The following DERA variants were observed in gnomAD, a reference collection of about 807,000 sequenced individuals.
DERA encodes 2-deoxy-D-ribose 5-phosphate aldolase.
Under a neutral mutation model 41.1 loss-of-function variants are expected in DERA, and 15 were observed. That is an observed-to-expected ratio of 0.37 (90% CI 0.24 to 0.56). The LOEUF (loss-of-function observed/expected upper bound fraction) is 0.56. DERA is among the 20% of genes least tolerant of loss of function. The pLI is 0.81. For missense variants in DERA, 396 were observed against 403.4 expected (o/e 0.98, Z 0.16); for synonymous variants, 139 against 137.4 (o/e 1.01, Z -0.08).
At position 15,977,120 on chromosome 12, in the gene DERA, T is replaced by G. The variant is rs138014935; in HGVS notation, c.509-5188T>G. 2.6e-3 allele frequency among the ~76,000 whole-genome samples: 396 copies of G among 152,304 alleles called. 4 individuals carry two copies. Among genetic ancestry groups the G allele is most frequent in the African/African-American group, 9.1e-3 (379 of 41,556 alleles). The stretch of plus-strand genomic sequence containing the variant: ...TTGGAACTTTTCATTTTATGCAGCT[T>G]TTTTCCCCTAGAAGAATGAAAACCA... On this transcript the variant is annotated intron_variant, in intron 5 of 8. Coordinates refer to ENST00000428559, the MANE Select transcript of DERA (RefSeq NM_015954.4).
At chr12:15,939,049 C>G (rs985660826) in intron 1 of DERA, among the ~76,000 whole-genome samples, 1 of 152,156 alleles carries the variant, frequency 6.6e-6, no homozygotes, top group African/African-American at 2.4e-5. Context: ...AGAAGTGTTG[C>G]TCTACAGCTG....
rs1349674243 is a variant in DERA at position 15,956,925 on chromosome 12, G to A, written c.32-11G>A. On this transcript the variant is annotated splice_polypyrimidine_tract_variant and intron_variant, in intron 1 of 8. Coordinates refer to ENST00000428559, the MANE Select transcript of DERA (RefSeq NM_015954.4). ...TTTAGGTTTCAGAAAGTGTTTTTCT[G>A]TCTGTTTTAGACCTTAGCTGGATCT... 2 of 1,606,834 alleles carry A rather than the reference G, an allele frequency of 1.2e-6. No homozygotes were observed. The highest frequency in any genetic ancestry group is 3.3e-5 in the Admixed American group (2 of 60,000).
At chr12:15,949,384 A>G (rs941794083) in intron 1 of DERA, among the ~76,000 whole-genome samples, 1 of 152,064 alleles carries the variant, frequency 6.6e-6, no homozygotes, top group Non-Finnish European at 1.5e-5. Context: ...TTACCTATTC[A>G]GGCCTCAGCA....
rs1948926001 is a variant in DERA at position 16,008,274 on chromosome 12, GC to G, written c.638-24267del. Among the ~76,000 whole-genome samples, 1 of 152,188 alleles carries G rather than the reference GC, an allele frequency of 6.6e-6. No homozygotes were observed. The highest frequency in any genetic ancestry group is 6.5e-5 in the Admixed American group (1 of 15,280). ...CAAACAGGAATCCTACTACTCCGTG[GC>G]TTCTCACTTTTAGCTTTTCCTAATA... On this transcript the variant is annotated intron_variant, in intron 6 of 8. Transcript: ENST00000428559. The surrounding 1 kb of genome is among the most constrained non-coding windows in gnomAD (Gnocchi z 4.8).
At position 16,001,978 on chromosome 12, in the gene DERA, A is replaced by T. The variant is rs1948877997; in HGVS notation, c.637+19542A>T. 6.6e-6 allele frequency among the ~76,000 whole-genome samples: 1 copy of T among 152,146 alleles called. No individual in the cohort carries two copies. ...CCAGGCACTTTGTAACAGCAAGGTT[A>T]TTCTTTTTTTTTATTATTATTATGC... On this transcript the variant is annotated intron_variant, in intron 6 of 8. Coordinates refer to ENST00000428559, the MANE Select transcript of DERA (RefSeq NM_015954.4). This position sits in a 1 kb window ranked among gnomAD's most constrained non-coding sequence, Gnocchi z 4.1.
chr12:15,941,706 C>T lies in DERA; in HGVS notation c.32-15230C>T, dbSNP rs936786111. The stretch of plus-strand genomic sequence containing the variant: ...CAAGTTGCTGCAAAAGACATTATTT[C>T]GTTTCCTTTTATGGCTCAGTACTCC... On this transcript the variant is annotated intron_variant, in intron 1 of 8. Coordinates refer to ENST00000428559, the MANE Select transcript of DERA (RefSeq NM_015954.4). The surrounding 1 kb of genome is among the most constrained non-coding windows in gnomAD (Gnocchi z 4.5). 6.6e-6 allele frequency among the ~76,000 whole-genome samples: 1 copy of T among 152,204 alleles called. No individual in the cohort carries two copies. Among genetic ancestry groups the T allele is most frequent in the African/African-American group, 2.4e-5 (1 of 41,444 alleles).
intron 6 of DERA, among the ~76,000 whole-genome samples, chr12:16,028,853 TAAG>T (rs1353963989): frequency 6.6e-6 from 1 of 152,066 alleles, no homozygotes; most frequent in East Asian, 1.9e-4. Flanking sequence ...CAAAATAAAA[TAAG>T]AAGAATCTAA....
intron 4 of DERA, among the ~76,000 whole-genome samples, chr12:15,960,938 G>T (rs1330228394): frequency 6.6e-6 from 1 of 152,218 alleles, no homozygotes; most frequent in Non-Finnish European, 1.5e-5. Context: ...GGGCAAAGGG[G>T]GAGATACAGG....
At position 15,924,215 on chromosome 12, in the gene DERA, C is replaced by A. The variant is rs1948265940; in HGVS notation, c.31+12801C>A. ...TGCTGCAGTGGGAGGATCGCTTGAG[C>A]CCAGGAGTTTGAGATTAGCCTGGGC... On this transcript the variant is annotated intron_variant, in intron 1 of 8. Coordinates refer to ENST00000428559, the MANE Select transcript of DERA (RefSeq NM_015954.4). The surrounding 1 kb of genome is among the most constrained non-coding windows in gnomAD (Gnocchi z 5.0). Among the ~76,000 whole-genome samples the A allele has an allele frequency of 4.6e-5, 7 of 152,086 alleles. No homozygotes were observed. The South Asian group carries it at 1.4e-3, about 32-fold the overall frequency.
chr12:15,917,317 T>A (rs1241508394), intron 1 of DERA, among the ~76,000 whole-genome samples: 5 of 152,232 alleles, frequency 3.3e-5, no homozygotes, highest in African/African-American at 1.2e-4. Context: ...AATTTTTAGA[T>A]TTCTGCAGGG....
At chr12:15,948,517 T>A (rs949019005) in intron 1 of DERA, among the ~76,000 whole-genome samples, 1 of 152,244 alleles carries the variant, frequency 6.6e-6, no homozygotes, top group African/African-American at 2.4e-5. Context: ...GTATTCATCA[T>A]GTAGCTCTCG....
In DERA at chr12:15,936,090, C is replaced by T. The variant is rs944344831; in HGVS notation, c.32-20846C>T. 3.5e-4 allele frequency among the ~76,000 whole-genome samples: 54 copies of T among 152,290 alleles called. No homozygotes were observed. Among genetic ancestry groups the T allele is most frequent in the African/African-American group, 1.2e-3 (50 of 41,550 alleles). ...GTGATCCAAGTAGGAAGGCAAAAGC[C>T]ACCATGTGTTTTCTTACCAAATATT... On this transcript the variant is annotated intron_variant, in intron 1 of 8. Coordinates refer to ENST00000428559, the MANE Select transcript of DERA (RefSeq NM_015954.4). The surrounding 1 kb of genome is among the most constrained non-coding windows in gnomAD (Gnocchi z 4.6).
intron 6 of DERA, among the ~76,000 whole-genome samples, chr12:16,023,473 CTTTT>C (rs58250786): frequency 2.7e-5 from 3 of 111,912 alleles, no homozygotes; most frequent in African/African-American, 3.8e-5. Flanking sequence ...AACTCAAAGT[CTTTT>C]TTTTTTTTTT....
chr12:15,930,764 A>AT (rs1460670497), intron 1 of DERA, among the ~76,000 whole-genome samples: 9 of 152,292 alleles, frequency 5.9e-5, no homozygotes, highest in African/African-American at 2.2e-4. Flanking sequence ...AACACCCCTC[A>AT]TAAGATATGC....
rs1042148732 is a variant in DERA at position 15,911,431 on chromosome 12, G to A, written c.31+17G>A. ...CCGAGCTCGGTAAGGGGCCCGCGGG[G>A]CTCCCCATCCCCTCTCCCTCGCGTT... On this transcript the variant is annotated intron_variant, in intron 1 of 8. Coordinates refer to ENST00000428559, the MANE Select transcript of DERA (RefSeq NM_015954.4). The surrounding 1 kb of genome is among the most constrained non-coding windows in gnomAD (Gnocchi z 4.5). The A allele has an allele frequency of 3.6e-6, 5 of 1,407,110 alleles. No homozygotes were observed. The highest frequency in any genetic ancestry group is 6.6e-5 in the Admixed American group (2 of 30,386). The allele number at this position is 1,407,110 out of a possible 1,614,324, so 87.2% of individuals were successfully genotyped here.
rs532807001 is a variant in DERA at position 15,998,050 on chromosome 12, A to G, written c.637+15614A>G. ...GAAATTTGCCCGAGGACAAATAACT[A>G]AAGTCAAAACACAGAGTCTAGAACA... On this transcript the variant is annotated intron_variant, in intron 6 of 8. Coordinates refer to ENST00000428559, the MANE Select transcript of DERA (RefSeq NM_015954.4). The surrounding 1 kb of genome is among the most constrained non-coding windows in gnomAD (Gnocchi z 4.8). Among the ~76,000 whole-genome samples the G allele has an allele frequency of 1.9e-4, 29 of 152,346 alleles. No individual in the cohort carries two copies. Among genetic ancestry groups the G allele is most frequent in the African/African-American group, 7.0e-4 (29 of 41,592 alleles).
Position 15,941,652 on chromosome 12 carries a change from C to A in DERA, c.32-15284C>A, listed in dbSNP as rs1224856996. Among the ~76,000 whole-genome samples the A allele has an allele frequency of 2.6e-5, 4 of 152,188 alleles. No individual in the cohort carries two copies. Among genetic ancestry groups the A allele is most frequent in the Non-Finnish European group, 4.4e-5 (3 of 68,030 alleles). On this transcript the variant is annotated intron_variant, in intron 1 of 8. Transcript: ENST00000428559. The surrounding 1 kb of genome is among the most constrained non-coding windows in gnomAD (Gnocchi z 4.5). ...TTGGTTTTCCATTCCTGAGTTACTT[C>A]ACTTAGAACTGTGGCCTCCAGCTCC...
intron 5 of DERA, among the ~76,000 whole-genome samples, chr12:15,980,503 C>T (rs1286154349): frequency 6.6e-6 from 1 of 152,158 alleles, no homozygotes; most frequent in Non-Finnish European, 1.5e-5. Context: ...AAATGTCATT[C>T]CATCCAATTC....
rs1420443149 is a variant in DERA at position 15,928,770 on chromosome 12, G to T, written c.31+17356G>T. On this transcript the variant is annotated intron_variant, in intron 1 of 8. Transcript: ENST00000428559. The surrounding 1 kb of genome is among the most constrained non-coding windows in gnomAD (Gnocchi z 4.6). ...GCTTTTTCCTGGGAAAGGTAAGTTT[G>T]GTTGGTACCAAGGAATGACCCTTTA... Among the ~76,000 whole-genome samples, 2 of 152,186 alleles carry T rather than the reference G, an allele frequency of 1.3e-5. No individual in the cohort carries two copies. Among genetic ancestry groups the T allele is most frequent in the Non-Finnish European group, 2.9e-5 (2 of 68,022 alleles).
Sources: gnomAD v4.1 joint callset for allele counts (sites outside exome capture counted in the v4.1 genomes callset) on GRCh38, gnomAD v4.1.1 for gene constraint, Gnocchi (gnomAD v3.1) non-coding constraint, MANE v1.5 for transcripts, NCBI Gene and HGNC (gene_info 2026-07-23, HGNC 2026-07-21) for gene names.